The following SOX5 variants were observed in gnomAD, a reference collection of about 807,000 sequenced individuals.
SOX5 encodes the protein SRY-box transcription factor 5.
Under a neutral mutation model 92.0 loss-of-function variants are expected in SOX5, and 9 were observed. The ratio of observed to expected loss-of-function variants is 0.10; its 90% CI spans 0.06 to 0.17. The LOEUF (loss-of-function observed/expected upper bound fraction) is 0.17, where lower values mean the gene tolerates loss of function less well. Among genes scored for constraint, SOX5 ranks in the 10% least tolerant of loss-of-function variants. The probability of loss-of-function intolerance (pLI) is 1.00; values close to 1 mark genes in which losing one functional copy is unlikely to be tolerated. For synonymous variants in SOX5, 344 were observed against 336.3 expected, an observed-to-expected ratio of 1.02 and a Z score of -0.25; for missense variants, 642 against 944.5, an observed-to-expected ratio of 0.68 and a Z score of 4.20.
rs575053248 is a variant in SOX5 at position 24,426,158 on chromosome 12, C to T, written c.-250-57519G>A. On this transcript the variant is annotated intron_variant, in intron 1 of 4. Transcript: ENST00000446891. ...GAGGTTGCAGTGAGCCGAGATTGTG[C>T]CACTGCACTCCAGCCTGGGGGATAG... 1.9e-3 allele frequency among the ~76,000 whole-genome samples: 286 copies of T among 152,268 alleles called. 2 individuals are homozygous for T. The highest frequency in any genetic ancestry group is 6.6e-3 in the African/African-American group (275 of 41,548).
At chr12:23,556,735 A>G (rs1658574899) in intron 11 of SOX5, among the ~76,000 whole-genome samples, 1 of 152,342 alleles carries the variant, frequency 6.6e-6, no homozygotes, top group Admixed American at 6.5e-5. Context: ...AGCAACTTCC[A>G]CCGACTGGAG....
intron 2 of SOX5, among the ~76,000 whole-genome samples, chr12:24,332,744 G>A (rs915070533): frequency 6.7e-5 from 10 of 149,810 alleles, no homozygotes; most frequent in African/African-American, 2.2e-4. Flanking sequence ...GTATATGAAC[G>A]TAGTGACCAT....
chr12:24,224,651 T>C (rs559062174), intron 3 of SOX5, among the ~76,000 whole-genome samples: 2 of 152,216 alleles, frequency 1.3e-5, no homozygotes, highest in African/African-American at 4.8e-5. Flanking sequence ...ATCAGGAGGG[T>C]TGCATATTTA....
chr12:24,490,856 T>G (rs1035565247), intron 1 of SOX5, among the ~76,000 whole-genome samples: 2 of 152,108 alleles, frequency 1.3e-5, no homozygotes, highest in African/African-American at 4.8e-5. Flanking sequence ...TCTTTTAAAC[T>G]TAAACATTAT....
At chr12:24,110,962 G>C (rs1486245938) in intron 4 of SOX5, among the ~76,000 whole-genome samples, 1 of 144,358 alleles carries the variant, frequency 6.9e-6, no homozygotes, top group Non-Finnish European at 1.5e-5. Flanking sequence ...TGATGACTTC[G>C]TTCTCAAATT....
chr12:23,547,464 G>A (rs1943357076), intron 11 of SOX5, among the ~76,000 whole-genome samples: 1 of 152,022 alleles, frequency 6.6e-6, no homozygotes, highest in Non-Finnish European at 1.5e-5. Flanking sequence ...ACAATAAAAT[G>A]TTCACAGAAA....
At chr12:24,124,546 C>T (rs1445499020) in intron 4 of SOX5, among the ~76,000 whole-genome samples, 1 of 140,814 alleles carries the variant, frequency 7.1e-6, no homozygotes, top group Non-Finnish European at 1.5e-5. Context: ...TTGTATAAAT[C>T]ACTTGAGGAA....
At chr12:24,447,682 T>C (rs545161720) in intron 1 of SOX5, among the ~76,000 whole-genome samples, 9 of 152,340 alleles carry the variant, frequency 5.9e-5, no homozygotes, top group Admixed American at 2.6e-4. Context: ...CTGTCTATAC[T>C]ATCTTCGCAA....
At position 24,015,049 on chromosome 12, in the gene SOX5, G is replaced by GT. The variant is rs1953429755; in HGVS notation, c.-1-119026dup. On this transcript the variant is annotated intron_variant, in intron 4 of 4. Transcript: ENST00000446891. ...GGGCTAGGCAGAATTCATCATTGTT[G>GT]TGGAGCTAGGTTCTCTCTTTCCCTC... Among the ~76,000 whole-genome samples, 8 of 152,076 alleles carry GT rather than the reference G, an allele frequency of 5.3e-5. No homozygotes were observed. The South Asian group carries it at 1.7e-3, about 32-fold the overall frequency.
At chr12:23,540,398 AT>A (rs1941740498) in intron 13 of SOX5, among the ~76,000 whole-genome samples, 2 of 137,708 alleles carry the variant, frequency 1.5e-5, no homozygotes, top group Non-Finnish European at 3.1e-5. Flanking sequence ...AATAATAATA[AT>A]AATAAAAAGC....
At chr12:23,950,774 T>C, upstream of SOX5, 2 of 1,128,074 alleles carry the variant, frequency 1.8e-6, no homozygotes, top group Non-Finnish European at 2.6e-6. Context: ...TCCAATTATC[T>C]AGATAAAAAT....
chr12:24,312,823 A>G (rs1949320455), intron 2 of SOX5, among the ~76,000 whole-genome samples: 1 of 152,214 alleles, frequency 6.6e-6, no homozygotes, highest in South Asian at 2.1e-4. Context: ...CTGTCATTTT[A>G]AAGACCTGCA....
At chr12:24,274,520 A>C (rs192269395) in intron 3 of SOX5, among the ~76,000 whole-genome samples, 44 of 152,320 alleles carry the variant, frequency 2.9e-4, no homozygotes, top group Admixed American at 9.8e-4. Context: ...GAGCAATAGC[A>C]GTTAGGGAAC....
chr12:23,908,288 G>C (rs189924226), intron 1 of SOX5, among the ~76,000 whole-genome samples: 23 of 152,096 alleles, frequency 1.5e-4, no homozygotes, highest in Admixed American at 7.2e-4. Context: ...GAGAAAGGAG[G>C]CCCACAGCTA....
chr12:24,528,951 A>C (rs1950941951), intron 1 of SOX5, among the ~76,000 whole-genome samples: 1 of 152,210 alleles, frequency 6.6e-6, no homozygotes, highest in South Asian at 2.1e-4. Flanking sequence ...AATATTTATA[A>C]TATTTAGAAC....
At chr12:23,711,293 T>C (rs1366431889) in intron 6 of SOX5, among the ~76,000 whole-genome samples, 1 of 152,170 alleles carries the variant, frequency 6.6e-6, no homozygotes, top group Non-Finnish European at 1.5e-5. Context: ...GGTTGGATAG[T>C]CTTCACTTCT....
chr12:24,122,839 C>A (rs937852184), intron 4 of SOX5, among the ~76,000 whole-genome samples: 1 of 151,842 alleles, frequency 6.6e-6, no homozygotes, highest in African/African-American at 2.4e-5. Flanking sequence ...AACATAACTA[C>A]AGAAAAAAAA....
chr12:23,735,413 G>A (rs1032889837), intron 5 of SOX5, among the ~76,000 whole-genome samples: 1 of 152,084 alleles, frequency 6.6e-6, no homozygotes, highest in South Asian at 2.1e-4. Context: ...TGTTTTCCCC[G>A]ATCATGAACT....
chr12:23,855,562 T>G (rs1345824905), intron 2 of SOX5, among the ~76,000 whole-genome samples: 1 of 152,110 alleles, frequency 6.6e-6, no homozygotes, highest in Non-Finnish European at 1.5e-5. Context: ...TTTCTCTTTC[T>G]TTTTCTGAGA....
Sources: allele counts gnomAD v4.1 joint callset (sites outside exome capture counted in the v4.1 genomes callset), GRCh38; gene constraint gnomAD v4.1.1; transcripts MANE v1.5; gene names NCBI Gene and HGNC (gene_info 2026-07-23, HGNC 2026-07-21).